Variants in UNC5C observed in about 807,000 individuals in gnomAD.
UNC5C encodes unc-5 netrin receptor C.
In UNC5C, 47 loss-of-function variants were observed where a neutral mutation model predicts 99.8. That is an observed-to-expected ratio of 0.47 (90% CI 0.37 to 0.60). UNC5C has a LOEUF of 0.60. Among genes scored for constraint, UNC5C ranks in the 20% least tolerant of loss-of-function variants. The pLI, the probability that UNC5C is intolerant of heterozygous loss-of-function variation, is 0.00. For synonymous variants in UNC5C, 487 were observed against 452.2 expected, an observed-to-expected ratio of 1.08 and a Z score of -0.98; for missense variants, 1,062 against 1,165.9, an observed-to-expected ratio of 0.91 and a Z score of 1.30.
Position 95,222,073 on chromosome 4 carries a change from T to C in UNC5C, c.1109-1897A>G, listed in dbSNP as rs148587506. ...CTTCTCTTCAGCAGCAAAAATCTAA[T>C]TTATTTTTCATGTTAGAATATATTA... On this transcript the variant is annotated intron_variant, in intron 7 of 15. Transcript: ENST00000453304. 1.5e-3 allele frequency: 840 copies of C among 553,256 alleles called. 2 individuals are homozygous for C. The highest frequency in any genetic ancestry group is 0.014 in the African/African-American group (735 of 51,148). 34.3% of individuals were successfully genotyped at this position (553,256 alleles called of 1,614,324 possible).
chr4:95,530,125 C>T (rs902959437), intron 1 of UNC5C, among the ~76,000 whole-genome samples: 10 of 152,104 alleles, frequency 6.6e-5, no homozygotes, highest in Non-Finnish European at 1.3e-4. Context: ...GAGGGTTGGT[C>T]TCTCCTGGTA....
intron 1 of UNC5C, among the ~76,000 whole-genome samples, chr4:95,354,832 G>A (rs1744123918): frequency 6.6e-6 from 1 of 151,866 alleles, no homozygotes. Context: ...CTTCACCTGT[G>A]CCAGTTTAGA....
chr4:95,200,855 A>T (rs1737627437), intron 12 of UNC5C, among the ~76,000 whole-genome samples: 1 of 152,050 alleles, frequency 6.6e-6, no homozygotes, highest in African/African-American at 2.4e-5. Flanking sequence ...TTATGGAGTG[A>T]TATCTGTGCC....
At chr4:95,387,080 T>A (rs201918780) in intron 1 of UNC5C, among the ~76,000 whole-genome samples, 2 of 30,870 alleles carry the variant, frequency 6.5e-5, no homozygotes, top group Non-Finnish European at 1.3e-4. Context: ...TGCTTTTATG[T>A]TTTCTTTGAA....
intron 1 of UNC5C, among the ~76,000 whole-genome samples, chr4:95,371,762 A>G (rs559237753): frequency 6.6e-6 from 1 of 152,310 alleles, no homozygotes; most frequent in African/African-American, 2.4e-5. Flanking sequence ...ACAGTAGCAT[A>G]AAGGACACTT....
intron 1 of UNC5C, among the ~76,000 whole-genome samples, chr4:95,477,909 G>A (rs574110799): frequency 2.6e-5 from 4 of 151,976 alleles, no homozygotes; most frequent in Non-Finnish European, 5.9e-5. Context: ...ACCAAATGAG[G>A]TAGCCTGTCT....
At chr4:95,258,496 T>G (rs1319195495) in intron 4 of UNC5C, among the ~76,000 whole-genome samples, 8 of 152,188 alleles carry the variant, frequency 5.3e-5, no homozygotes, top group Non-Finnish European at 8.8e-5. Context: ...CCATAAACCA[T>G]GACTTGTTGT....
intron 1 of UNC5C, among the ~76,000 whole-genome samples, chr4:95,495,843 G>A (rs1034166486): frequency 7.3e-5 from 11 of 151,628 alleles, no homozygotes; most frequent in Non-Finnish European, 1.5e-4. Flanking sequence ...GGCCAAAAAG[G>A]AGAAGAAAAT....
intron 1 of UNC5C, among the ~76,000 whole-genome samples, chr4:95,492,906 A>G (rs1003309406): frequency 1.2e-4 from 18 of 151,662 alleles, no homozygotes; most frequent in African/African-American, 4.3e-4. Flanking sequence ...TAATATTTGG[A>G]TAGCTAGGCA....
chr4:95,177,409 G>GC (rs1181659217), intron 14 of UNC5C, among the ~76,000 whole-genome samples: 6 of 41,956 alleles, frequency 1.4e-4, no homozygotes, highest in East Asian at 4.7e-4. Context: ...CACCCAGAGC[G>GC]CCCCCCATAT....
At chr4:95,241,564 T>C (rs1579259859) in intron 7 of UNC5C, among the ~76,000 whole-genome samples, 1 of 152,294 alleles carries the variant, frequency 6.6e-6, no homozygotes, top group East Asian at 1.9e-4. Context: ...TTATGAGAAA[T>C]GTCAACACTA....
intron 12 of UNC5C, among the ~76,000 whole-genome samples, chr4:95,188,760 C>T (rs1736945226): frequency 6.6e-6 from 1 of 152,182 alleles, no homozygotes; most frequent in African/African-American, 2.4e-5. Context: ...CTTCCTCTCC[C>T]TGGGAACATT....
Position 95,219,148 on chromosome 4 carries a change from G to A in UNC5C, c.1466C>T (p.Thr489Ile), listed in dbSNP as rs1169277663. ...IKVYNTSGAV[T>I]PQDDLSEFTS... is the part of the protein sequence containing the mutation. ...AAACTCAGAGAGGTCATCTTGGGGG[G>A]TGACAGCACCTGAGGTGTTGTACAC... The change falls in exon 9 of 16, where the codon ACC becomes ATC. Residue 489 changes from threonine (T) to isoleucine (I), a missense_variant. This residue lies in a region of UNC5C where 810 missense variants were observed against 854.5 expected (regional missense o/e 0.95). Transcript: ENST00000453304. 1.9e-6 allele frequency: 3 copies of A among 1,614,122 alleles called. No individual in the cohort carries two copies. The highest frequency in any genetic ancestry group is 2.2e-5 in the East Asian group (1 of 44,880).
chr4:95,278,787 T>G, intron 3 of UNC5C, among the ~76,000 whole-genome samples: 1 of 152,266 alleles, frequency 6.6e-6, no homozygotes, highest in South Asian at 2.1e-4. Flanking sequence ...GACTTGCATT[T>G]TTGTTTAACC....
chr4:95,532,505 C>T lies in UNC5C; in HGVS notation c.124+16229G>A, dbSNP rs17024142. Among the ~76,000 whole-genome samples, 793 of 150,786 alleles carry T rather than the reference C, an allele frequency of 5.3e-3. 7 individuals carry two copies. Among genetic ancestry groups the T allele is most frequent in the African/African-American group, 0.015 (617 of 40,856 alleles). The stretch of plus-strand genomic sequence containing the variant: ...TGGCTGTGTGCCAAAAGCTGTATCA[C>T]ATCCTGGAGACACCAGAATCAACTC... On this transcript the variant is annotated intron_variant, in intron 1 of 15. Transcript: ENST00000453304.
At chr4:95,278,177 A>C in intron 4 of UNC5C, 82 bp downstream of exon 4, 1 of 1,151,454 alleles carries the variant, frequency 8.7e-7, no homozygotes, top group Non-Finnish European at 1.3e-6. Flanking sequence ...ACCCTAATTC[A>C]CTGCACCATT....
At chr4:95,444,269 A>T (rs568192110) in intron 1 of UNC5C, among the ~76,000 whole-genome samples, 72 of 151,320 alleles carry the variant, frequency 4.8e-4, no homozygotes, top group Non-Finnish European at 6.2e-4. Context: ...CAGCAATCCC[A>T]CTTATAAAGT....
chr4:95,385,434 C>T (rs1745186909), intron 1 of UNC5C, among the ~76,000 whole-genome samples: 1 of 152,138 alleles, frequency 6.6e-6, no homozygotes, highest in Admixed American at 6.5e-5. Flanking sequence ...AAATGATTTT[C>T]CATTTCATAG....
intron 1 of UNC5C, among the ~76,000 whole-genome samples, chr4:95,502,159 A>T (rs544824010): frequency 2.0e-5 from 3 of 152,332 alleles, no homozygotes; most frequent in South Asian, 2.1e-4. Flanking sequence ...AATGACGAAC[A>T]TGTTACTTCC....
Sources: gnomAD v4.1 joint callset for allele counts (sites outside exome capture counted in the v4.1 genomes callset) on GRCh38, gnomAD v4.1.1 for gene constraint, gnomAD v4.1.1 regional missense constraint, MANE v1.5 for transcripts, NCBI Gene and HGNC (gene_info 2026-07-23, HGNC 2026-07-21) for gene names.